Variants in TP63 observed in about 807,000 individuals in gnomAD.
TP63 encodes the protein tumor protein 63.
A neutral mutation model predicts 82.8 loss-of-function variants in TP63; 17 were observed. That is an observed-to-expected ratio of 0.21 (90% confidence interval 0.14 to 0.31). The LOEUF (loss-of-function observed/expected upper bound fraction) is 0.31. Ranked by LOEUF, TP63 falls within the 10% of genes least tolerant of loss-of-function variation. The pLI is 1.00. For synonymous variants in TP63, 330 were observed against 321.7 expected (o/e 1.03, Z -0.28); for missense variants, 648 against 895.3 (o/e 0.72, Z 3.52).
intron 3 of TP63, among the ~76,000 whole-genome samples, chr3:189,749,780 GAAAT>G (rs992143821): frequency 1.4e-4 from 21 of 152,004 alleles, no homozygotes; most frequent in Admixed American, 1.2e-3. Flanking sequence ...AATTAATAAA[GAAAT>G]AAAATTTGGT....
At chr3:189,856,742 AAG>A (rs1712396006) in intron 4 of TP63, among the ~76,000 whole-genome samples, 1 of 152,104 alleles carries the variant, frequency 6.6e-6, no homozygotes, top group South Asian at 2.1e-4. Flanking sequence ...TAGAAACAAA[AAG>A]AAATTTTCAT....
the TP63 span, among the ~76,000 whole-genome samples, chr3:189,601,579 C>T: frequency 1.0e-4 from 12 of 120,298 alleles, no homozygotes; most frequent in Admixed American, 6.9e-4. Context: ...TCTTGGATTA[C>T]TATTTTTATC....
chr3:189,789,191 T>G (rs1172909550), intron 3 of TP63, among the ~76,000 whole-genome samples: 4 of 152,080 alleles, frequency 2.6e-5, no homozygotes, highest in African/African-American at 9.7e-5. Flanking sequence ...ATTGGTTAAA[T>G]GTAACAGTGG....
At chr3:189,691,934 GCT>G (rs1352797570) in intron 1 of TP63, among the ~76,000 whole-genome samples, 1 of 152,182 alleles carries the variant, frequency 6.6e-6, no homozygotes, top group Non-Finnish European at 1.5e-5. Context: ...AGGCAAGTGT[GCT>G]TTTCAAGATC....
At chr3:189,788,590 G>A (rs1053735614) in intron 3 of TP63, among the ~76,000 whole-genome samples, 7 of 151,490 alleles carry the variant, frequency 4.6e-5, no homozygotes, top group Non-Finnish European at 2.9e-5. Context: ...GGGGGGTGGG[G>A]GTGTAGGATG....
chr3:189,720,366 G>A (rs913041311), intron 1 of TP63, among the ~76,000 whole-genome samples: 1 of 152,112 alleles, frequency 6.6e-6, no homozygotes, highest in African/African-American at 2.4e-5. Context: ...TCATTTACTT[G>A]TGAAAAAACT....
At chr3:189,694,041 G>A (rs17445954) in intron 1 of TP63, among the ~76,000 whole-genome samples, 17,344 of 152,188 alleles carry the variant, frequency 0.11, 1,164 homozygotes, top group Middle Eastern at 0.14. Context: ...AGCTCAGAGT[G>A]CCATGGACTA....
chr3:189,774,174 G>A (rs540780059), intron 3 of TP63, among the ~76,000 whole-genome samples: 6 of 151,892 alleles, frequency 4.0e-5, no homozygotes, highest in East Asian at 3.9e-4. Context: ...CGCCCGCCTC[G>A]GCCTCCCAAA....
intron 4 of TP63, among the ~76,000 whole-genome samples, chr3:189,862,734 C>A (rs951378932): frequency 6.6e-6 from 1 of 152,144 alleles, no homozygotes; most frequent in Non-Finnish European, 1.5e-5. Context: ...CTGTGTAAGT[C>A]TTTAGTTAAA....
intron 4 of TP63, among the ~76,000 whole-genome samples, chr3:189,843,227 G>T: frequency 6.6e-6 from 1 of 152,326 alleles, no homozygotes; most frequent in South Asian, 2.1e-4. Context: ...CCCTGCAGAG[G>T]TTTTGCTGCT....
intron 4 of TP63, among the ~76,000 whole-genome samples, chr3:189,851,938 G>C (rs1181311744): frequency 6.6e-6 from 1 of 152,134 alleles, no homozygotes; most frequent in Non-Finnish European, 1.5e-5. Flanking sequence ...TGAGGAGGAC[G>C]TGAAGGGTTA....
chr3:189,646,070 A>T (rs1423821194), intron 1 of TP63, among the ~76,000 whole-genome samples: 1 of 147,454 alleles, frequency 6.8e-6, no homozygotes, highest in African/African-American at 2.5e-5. Context: ...AGAAGCATGG[A>T]TCTAATCCAG....
At chr3:189,780,829 G>A (rs564328667) in intron 3 of TP63, among the ~76,000 whole-genome samples, 21 of 152,246 alleles carry the variant, frequency 1.4e-4, no homozygotes, top group Admixed American at 2.0e-4. Context: ...CTCTGCTGGC[G>A]GTGACAGTGA....
chr3:189,699,126 A>T (rs904176057), intron 1 of TP63, among the ~76,000 whole-genome samples: 4 of 152,156 alleles, frequency 2.6e-5, no homozygotes, highest in South Asian at 4.1e-4. Context: ...TTTCCTTCAT[A>T]CAATACAGTG....
intron 3 of TP63, among the ~76,000 whole-genome samples, chr3:189,806,607 C>A (rs971428802): frequency 2.6e-5 from 4 of 152,144 alleles, no homozygotes; most frequent in African/African-American, 7.2e-5. Flanking sequence ...TTTGGCCACA[C>A]CTGCCGGGAG....
chr3:189,799,331 C>T (rs1726043443), intron 3 of TP63, among the ~76,000 whole-genome samples: 1 of 151,946 alleles, frequency 6.6e-6, no homozygotes, highest in Admixed American at 6.6e-5. Context: ...AATTTTGTGG[C>T]CTATCTACCA....
chr3:189,666,645 T>C (rs1714414037), intron 1 of TP63, among the ~76,000 whole-genome samples: 1 of 152,064 alleles, frequency 6.6e-6, no homozygotes, highest in African/African-American at 2.4e-5. Context: ...TAATAAATAA[T>C]ACAACATTGG....
chr3:189,732,551 G>A (rs907103287), intron 1 of TP63, among the ~76,000 whole-genome samples: 1 of 152,192 alleles, frequency 6.6e-6, no homozygotes, highest in Non-Finnish European at 1.5e-5. Context: ...GCGTTTTGTG[G>A]TAGAACCAAT....
intron 4 of TP63, among the ~76,000 whole-genome samples, chr3:189,851,728 C>T (rs974955832): frequency 2.6e-5 from 4 of 152,044 alleles, no homozygotes; most frequent in East Asian, 1.9e-4. Flanking sequence ...GGCACCAACC[C>T]GGGCAGAAAT....
Sources: allele counts gnomAD v4.1 joint callset (sites outside exome capture counted in the v4.1 genomes callset), GRCh38; gene constraint gnomAD v4.1.1; transcripts MANE v1.5; gene names NCBI Gene and HGNC (gene_info 2026-07-23, HGNC 2026-07-21).